GRM5: variants seen among roughly 807,000 people sequenced by gnomAD.
GRM5 encodes glutamate metabotropic receptor 5, also known as metabotropic glutamate receptor 5.
A neutral mutation model predicts 83.1 loss-of-function variants in GRM5; 19 were observed. The ratio of observed to expected loss-of-function variants is 0.23; its 90% CI spans 0.16 to 0.34. The LOEUF (loss-of-function observed/expected upper bound fraction) is 0.34. Ranked by LOEUF, GRM5 falls within the 10% of genes least tolerant of loss-of-function variation. GRM5 has a pLI of 1.00. For synonymous variants in GRM5, 675 were observed against 633.6 expected, an observed-to-expected ratio of 1.07 and a Z score of -0.98; for missense variants, 1,160 against 1,588.3, an observed-to-expected ratio of 0.73 and a Z score of 4.58.
chr11:89,017,662 C>T (rs1940891902), intron 2 of GRM5, among the ~76,000 whole-genome samples: 1 of 152,182 alleles, frequency 6.6e-6, no homozygotes, highest in African/African-American at 2.4e-5. Context: ...GATTTCAGTC[C>T]AAGTGTATCT....
intron 3 of GRM5, among the ~76,000 whole-genome samples, chr11:88,751,619 T>C (rs933261012): frequency 6.6e-6 from 1 of 152,128 alleles, no homozygotes; most frequent in African/African-American, 2.4e-5. Flanking sequence ...GCCAGCATCA[T>C]CCTGACACCA....
At chr11:88,733,265 C>T (rs779468590) in intron 3 of GRM5, among the ~76,000 whole-genome samples, 1 of 151,906 alleles carries the variant, frequency 6.6e-6, no homozygotes, top group Non-Finnish European at 1.5e-5. Flanking sequence ...ATAACAGCTG[C>T]CAATTAAAAA....
chr11:88,598,936 C>T (rs888763080), intron 5 of GRM5, among the ~76,000 whole-genome samples: 48 of 152,146 alleles, frequency 3.2e-4, no homozygotes, highest in Non-Finnish European at 5.4e-4. Flanking sequence ...TGGACTGAAG[C>T]TCAGTGAGGT....
intron 4 of GRM5, among the ~76,000 whole-genome samples, chr11:88,641,325 C>T (rs1431841760): frequency 6.6e-6 from 1 of 152,038 alleles, no homozygotes; most frequent in African/African-American, 2.4e-5. Context: ...ACCACCAAGA[C>T]CCACCTCCAA....
chr11:88,741,365 C>G (rs1298429005), intron 3 of GRM5, among the ~76,000 whole-genome samples: 1 of 152,056 alleles, frequency 6.6e-6, no homozygotes, highest in African/African-American at 2.4e-5. Flanking sequence ...ACAGTAATCT[C>G]ACTCCCAGGT....
intron 3 of GRM5, among the ~76,000 whole-genome samples, chr11:88,774,386 C>A (rs1293217111): frequency 6.6e-6 from 1 of 152,172 alleles, no homozygotes; most frequent in African/African-American, 2.4e-5. Flanking sequence ...ACAATCATGT[C>A]ATCTGCAAAC....
intron 2 of GRM5, among the ~76,000 whole-genome samples, chr11:88,990,238 A>T (rs1939916826): frequency 6.6e-6 from 1 of 152,082 alleles, no homozygotes; most frequent in African/African-American, 2.4e-5. Flanking sequence ...AAACACCTCT[A>T]TGCAAATAAA....
intron 3 of GRM5, among the ~76,000 whole-genome samples, chr11:88,829,737 T>A (rs1453873663): frequency 6.6e-6 from 1 of 152,072 alleles, no homozygotes; most frequent in African/African-American, 2.4e-5. Flanking sequence ...ATTAAATGAA[T>A]AAAGATACAA....
intron 2 of GRM5, among the ~76,000 whole-genome samples, chr11:88,947,116 T>A (rs1462606688): frequency 6.6e-6 from 1 of 152,088 alleles, no homozygotes; most frequent in Non-Finnish European, 1.5e-5. Flanking sequence ...TTTTTAATAA[T>A]GTAAGTAAAT....
At chr11:88,901,916 A>AACATAAATAATATGTT (rs1330788332) in intron 2 of GRM5, among the ~76,000 whole-genome samples, 2 of 152,218 alleles carry the variant, frequency 1.3e-5, no homozygotes, top group Non-Finnish European at 2.9e-5. Flanking sequence ...AACAGCCAAA[A>AACATAAATAATATGTT]TAAGTTCCAT....
At chr11:88,857,378 C>T (rs1390564908) in intron 2 of GRM5, among the ~76,000 whole-genome samples, 1 of 152,046 alleles carries the variant, frequency 6.6e-6, no homozygotes, top group African/African-American at 2.4e-5. Flanking sequence ...TGACATTAGT[C>T]TGGCATGATA....
At chr11:88,965,545 T>A (rs1189464382) in intron 2 of GRM5, among the ~76,000 whole-genome samples, 3 of 152,066 alleles carry the variant, frequency 2.0e-5, no homozygotes, top group Non-Finnish European at 4.4e-5. Context: ...TTATGTATGA[T>A]AAAAGTAAAA....
chr11:88,821,344 CAAA>C (rs375051761), intron 3 of GRM5, among the ~76,000 whole-genome samples: 9 of 68,168 alleles, frequency 1.3e-4, no homozygotes, highest in Non-Finnish European at 1.7e-4. Flanking sequence ...CTTGAGGGGC[CAAA>C]AAAAAAAAAA....
rs918517763 is a variant in GRM5 at position 88,504,793 on chromosome 11, A to T, written c.*3799T>A. ...ACATCAAAATAATTTAACATTCTCT[A>T]TTATTTTAATAGTACAAGCTGCCAC... On this transcript the variant is annotated 3_prime_UTR_variant, in exon 10 of 10. Coordinates refer to ENST00000305447, the MANE Select transcript of GRM5 (RefSeq NM_001143831.3). 3.3e-5 allele frequency: 5 copies of T among 152,154 alleles called. No homozygotes were observed. Among genetic ancestry groups the T allele is most frequent in the Non-Finnish European group, 7.4e-5 (5 of 67,976 alleles). The allele number at this position is 152,154 out of a possible 1,614,324, so 9.4% of individuals were successfully genotyped here.
intron 1 of GRM5, among the ~76,000 whole-genome samples, chr11:89,063,966 C>A (rs577164913): frequency 1.3e-5 from 2 of 152,268 alleles, no homozygotes; most frequent in South Asian, 2.1e-4. Flanking sequence ...TAAGAATAAA[C>A]CTGTATTGAG....
chr11:89,019,154 T>C (rs1267955599), intron 2 of GRM5, among the ~76,000 whole-genome samples: 1 of 152,210 alleles, frequency 6.6e-6, no homozygotes, highest in African/African-American at 2.4e-5. Context: ...TCGGGTATTT[T>C]GTAGAATGTC....
intron 2 of GRM5, among the ~76,000 whole-genome samples, chr11:88,922,990 G>C (rs1180396850): frequency 6.6e-6 from 1 of 152,044 alleles, no homozygotes; most frequent in Non-Finnish European, 1.5e-5. Flanking sequence ...CAATATCATT[G>C]ATCATCAGAG....
chr11:88,650,053 A>T (rs932734131), intron 4 of GRM5, among the ~76,000 whole-genome samples: 1 of 151,940 alleles, frequency 6.6e-6, no homozygotes, highest in Non-Finnish European at 1.5e-5. Flanking sequence ...AACTTAAAAT[A>T]TTCTATATTA....
chr11:88,896,737 A>G (rs1166376586), intron 2 of GRM5, among the ~76,000 whole-genome samples: 1 of 151,882 alleles, frequency 6.6e-6, no homozygotes, highest in Admixed American at 6.6e-5. Context: ...TCTATTGGAC[A>G]TCATAAAAGA....
Sources: gnomAD v4.1 joint callset for allele counts (sites outside exome capture counted in the v4.1 genomes callset) on GRCh38, gnomAD v4.1.1 for gene constraint, MANE v1.5 for transcripts, NCBI Gene and HGNC (gene_info 2026-07-23, HGNC 2026-07-21) for gene names.